Variants in NCOA2 observed in about 807,000 individuals in gnomAD.
NCOA2 encodes the protein nuclear receptor coactivator 2.
A neutral mutation model predicts 145.1 loss-of-function variants in NCOA2; 21 were observed. The observed-to-expected ratio is 0.14, with a 90% confidence interval of 0.10 to 0.21. NCOA2 has a LOEUF of 0.21. Ranked by LOEUF, NCOA2 falls within the 10% of genes least tolerant of loss-of-function variation. The pLI is 1.00. For missense variants in NCOA2, 1,472 were observed against 1,837.6 expected (o/e 0.80, Z 3.64); for synonymous variants, 619 against 637.5 (o/e 0.97, Z 0.44).
intron 1 of NCOA2, among the ~76,000 whole-genome samples, chr8:70,341,003 T>C (rs184376077): frequency 3.3e-5 from 5 of 149,818 alleles, no homozygotes; most frequent in African/African-American, 1.2e-4. Context: ...ATGATCTGTG[T>C]GGCAAACTAC....
chr8:70,331,601 A>G (rs1807108002), intron 1 of NCOA2, among the ~76,000 whole-genome samples: 1 of 152,126 alleles, frequency 6.6e-6, no homozygotes, highest in South Asian at 2.1e-4. Context: ...TTTTGATGTT[A>G]TTTTAGATCT....
intron 1 of NCOA2, among the ~76,000 whole-genome samples, chr8:70,312,775 C>T (rs904050362): frequency 7.9e-5 from 12 of 152,082 alleles, no homozygotes; most frequent in Admixed American, 7.2e-4. Flanking sequence ...CAATATCGTA[C>T]TTCGTAATCA....
At chr8:70,365,860 AAAG>A (rs1563810062) in intron 1 of NCOA2, among the ~76,000 whole-genome samples, 1 of 152,218 alleles carries the variant, frequency 6.6e-6, no homozygotes, top group African/African-American at 2.4e-5. Flanking sequence ...TAAAACGGAG[AAAG>A]AAGATTATCA....
chr8:70,131,983 G>C lies in NCOA2; in HGVS notation c.3178C>G (p.Pro1060Ala), dbSNP rs780581950. The C allele has an allele frequency of 1.9e-6, 3 of 1,612,406 alleles. No individual in the cohort carries two copies. In the African/African-American group the frequency reaches 4.0e-5, roughly 22 times the overall value. Residue 1060 changes from proline to alanine, a missense_variant, in exon 16 of 23, where the codon CCA (proline) becomes GCA (alanine). By Grantham distance (27) the Pro-to-Ala change is conservative. Around this residue, in one of 4 missense-constraint regions of NCOA2, gnomAD observed 953 missense variants for 1,062.1 expected, o/e 0.90. Transcript: ENST00000452400. ...SQNRQPFGSS[P>A]DDLLCPHPAA... is the part of the protein sequence containing the mutation. ...GGATGTGGACATAGCAAGTCATCTG[G>C]AGAACTGCCAAATGGCTGCCTGTAA...
At position 70,378,554 on chromosome 8, in the gene NCOA2, G is replaced by A. The variant is rs74707101; in HGVS notation, c.-77+25146C>T. Among the ~76,000 whole-genome samples the A allele has an allele frequency of 6.0e-3, 906 of 151,880 alleles. 8 individuals are homozygous for A. Among genetic ancestry groups the A allele is most frequent in the African/African-American group, 0.02 (844 of 41,422 alleles). On this transcript the variant is annotated intron_variant, in intron 1 of 22. Coordinates refer to ENST00000452400, the MANE Select transcript of NCOA2 (RefSeq NM_006540.4). The stretch of plus-strand genomic sequence containing the variant: ...TTGTAGCTTTGGTAGATTTTCGAAC[G>A]GGTCTAGCAACTCCAAATATAGTTT...
chr8:70,434,321 T>A, the NCOA2 span, among the ~76,000 whole-genome samples: 1 of 152,216 alleles, frequency 6.6e-6, no homozygotes, highest in Admixed American at 6.5e-5. Flanking sequence ...ATAAAATTGA[T>A]ACGATAACAT....
At chr8:70,128,370 G>A (rs1585748104) in intron 18 of NCOA2, 63 bp downstream of exon 18, 1 of 1,412,888 alleles carries the variant, frequency 7.1e-7, no homozygotes, top group East Asian at 2.4e-5. Context: ...CTTCAGAGAG[G>A]AAGAAATGAC....
Position 70,111,046 on chromosome 8 carries a change from G to A in NCOA2, c.*2586C>T, listed in dbSNP as rs987600289. On this transcript the variant is annotated 3_prime_UTR_variant, in exon 23 of 23. Coordinates refer to ENST00000452400, the MANE Select transcript of NCOA2 (RefSeq NM_006540.4). ...GCTTCTATAGTGATCAATATGATCAGAGGATTCCTTCACTTACTTTTCTTC... is the reference window on the plus strand; with the variant it reads ...GCTTCTATAGTGATCAATATGATCAAAGGATTCCTTCACTTACTTTTCTTC... 4.5e-6 allele frequency: 1 copy of A among 222,796 alleles called. No individual in the cohort carries two copies. Among genetic ancestry groups the A allele is most frequent in the African/African-American group, 2.2e-5 (1 of 44,834 alleles). 13.8% of individuals were successfully genotyped at this position (222,796 alleles called of 1,614,324 possible).
rs77162124 is a variant in NCOA2 at position 70,319,331 on chromosome 8, C to T, written c.-76-22531G>A. Among the ~76,000 whole-genome samples, 1,487 of 152,014 alleles carry T rather than the reference C, an allele frequency of 9.8e-3. 23 individuals are homozygous for T. The highest frequency in any genetic ancestry group is 0.034 in the African/African-American group (1,400 of 41,428). ...CTGAGGTGGGCAGGTCGCTTGAGCC[C>T]AAGGGTTCGACACCAGCCTGAGCAA... On this transcript the variant is annotated intron_variant, in intron 1 of 22. Transcript: ENST00000452400.
At chr8:70,452,122 A>C in the NCOA2 span, among the ~76,000 whole-genome samples, 1 of 152,266 alleles carries the variant, frequency 6.6e-6, no homozygotes, top group South Asian at 2.1e-4. Flanking sequence ...CTATAGGCAC[A>C]TGCCACCATT....
At chr8:70,322,544 C>T (rs1347147000) in intron 1 of NCOA2, among the ~76,000 whole-genome samples, 3 of 152,200 alleles carry the variant, frequency 2.0e-5, no homozygotes, top group Non-Finnish European at 4.4e-5. Context: ...CCAGTACCCA[C>T]ATCCTTGAGA....
intron 6 of NCOA2, among the ~76,000 whole-genome samples, 181 bp from the exon 7 acceptor site, chr8:70,166,935 G>T (rs915203878): frequency 3.9e-5 from 6 of 151,984 alleles, no homozygotes; most frequent in South Asian, 2.1e-4. Context: ...TACAACTTGG[G>T]AATATCTTGG....
chr8:70,173,770 C>G (rs1435036539), intron 5 of NCOA2, among the ~76,000 whole-genome samples: 2 of 151,988 alleles, frequency 1.3e-5, no homozygotes, highest in East Asian at 1.9e-4. Flanking sequence ...TGTGTGCCCC[C>G]CCTCCGCCCT....
chr8:70,439,519 C>T, the NCOA2 span, among the ~76,000 whole-genome samples: 1 of 152,180 alleles, frequency 6.6e-6, no homozygotes, highest in Non-Finnish European at 1.5e-5. Flanking sequence ...TTCATTCAAC[C>T]ATTCAAAAAA....
intron 1 of NCOA2, among the ~76,000 whole-genome samples, chr8:70,339,537 C>T (rs1190997671): frequency 2.0e-5 from 3 of 151,984 alleles, no homozygotes; most frequent in Non-Finnish European, 4.4e-5. Flanking sequence ...AATGATATTC[C>T]CATTAAACTA....
chr8:70,394,321 A>G (rs1037783822), intron 1 of NCOA2, among the ~76,000 whole-genome samples: 3 of 152,092 alleles, frequency 2.0e-5, no homozygotes, highest in African/African-American at 7.2e-5. Context: ...ATGCCCGGCT[A>G]ATTTTGTATT....
chr8:70,423,616 T>A, the NCOA2 span, among the ~76,000 whole-genome samples: 6 of 152,160 alleles, frequency 3.9e-5, no homozygotes, highest in Non-Finnish European at 8.8e-5. Flanking sequence ...CTCGCCCTAA[T>A]GAGGGGGAAG....
At chr8:70,273,527 G>T in intron 2 of NCOA2, 2 of 694,534 alleles carry the variant, frequency 2.9e-6, no homozygotes, top group Non-Finnish European at 2.5e-6. Flanking sequence ...AGAAATCTCT[G>T]GCATTGAAGA....
At chr8:70,200,419 C>T (rs535847087) in intron 4 of NCOA2, among the ~76,000 whole-genome samples, 1 of 152,248 alleles carries the variant, frequency 6.6e-6, no homozygotes, top group Non-Finnish European at 1.5e-5. Context: ...CTAAGGCATA[C>T]AGCATTACTG....
Sources: gnomAD v4.1 joint callset for allele counts (sites outside exome capture counted in the v4.1 genomes callset) on GRCh38, gnomAD v4.1.1 for gene constraint, gnomAD v4.1.1 regional missense constraint, MANE v1.5 for transcripts, NCBI Gene and HGNC (gene_info 2026-07-23, HGNC 2026-07-21) for gene names.